The following MYH3 variants were observed in gnomAD, a reference collection of about 807,000 sequenced individuals.
MYH3 encodes myosin-3.
In MYH3, 130 loss-of-function variants were observed where a neutral mutation model predicts 238.0. The ratio of observed to expected loss-of-function variants is 0.55; its 90% CI spans 0.47 to 0.63. MYH3 has a LOEUF of 0.63. Ranked by LOEUF, MYH3 falls within the 30% of genes least tolerant of loss-of-function variation. MYH3 has a pLI of 0.00. For synonymous variants in MYH3, 880 were observed against 924.1 expected (o/e 0.95, Z 0.86); for missense variants, 1,853 against 2,374.9 (o/e 0.78, Z 4.57).
the MYH3 span, among the ~76,000 whole-genome samples, chr17:10,666,578 C>CAAAAAAAAAAAAA: frequency 1.5e-5 from 1 of 68,598 alleles, no homozygotes; most frequent in Non-Finnish European, 2.7e-5. Context: ...CTTGTCTCTA[C>CAAAAAAAAAAAAA]AAAAAAAAAA....
intron 4 of MYH3, 154 bp from the exon 5 acceptor site, chr17:10,651,822 C>A (rs964056979): frequency 9.6e-6 from 10 of 1,038,220 alleles, no homozygotes; most frequent in Non-Finnish European, 1.2e-5. Flanking sequence ...TGGCTCACTG[C>A]AACCTCCACC....
intron 33 of MYH3, 99 bp downstream of exon 33, chr17:10,633,492 A>G (rs2074184386): frequency 6.5e-7 from 1 of 1,542,290 alleles, no homozygotes; most frequent in Non-Finnish European, 8.9e-7. Context: ...CTGTGATTTG[A>G]CAAAGGCAAA....
chr17:10,668,187 G>T, the MYH3 span, among the ~76,000 whole-genome samples: 2 of 152,208 alleles, frequency 1.3e-5, no homozygotes, highest in African/African-American at 4.8e-5. Context: ...CTGAGGTCAG[G>T]AGTTTGAGAC....
chr17:10,644,315 A>AC, intron 14 of MYH3, 36 bp downstream of exon 14: 1 of 1,597,318 alleles, frequency 6.3e-7, no homozygotes, highest in Non-Finnish European at 8.6e-7. Flanking sequence ...CCCTCATATG[A>AC]AGCCATATGA....
At chr17:10,652,028 A>G in intron 4 of MYH3, 1 of 392,462 alleles carries the variant, frequency 2.5e-6, no homozygotes, top group South Asian at 2.3e-5. Flanking sequence ...GGCGTGAGCC[A>G]CCACACCCAG....
rs199513213 is a variant in MYH3 at position 10,652,520 on chromosome 17, G to T, written c.248C>A (p.Pro83His). 118 of 1,612,904 alleles carry T rather than the reference G, an allele frequency of 7.3e-5. No homozygotes were observed. The highest frequency in any genetic ancestry group is 1.7e-4 in the Middle Eastern group (1 of 6,054). Residue 83 changes from proline (P) to histidine (H), a missense_variant, in exon 4 of 41, where the codon CCC becomes CAC. Pro to His is a moderately conservative substitution (Grantham distance 77, BLOSUM62 -2). Transcript: ENST00000583535. ...CATGTCTTCGATCCTGTCGAACTTG[G>T]GGGGGTTCATGGCGTACACATCCTC... is the stretch of plus-strand genomic sequence containing the variant. ...KPEDVYAMNP[P>H]KFDRIEDMAM... is the part of the protein sequence containing the mutation.
chr17:10,628,751 C>T (rs2142374745), intron 40 of MYH3, 72 bp from the exon 41 acceptor site: 7 of 1,559,100 alleles, frequency 4.5e-6, no homozygotes, highest in Admixed American at 3.3e-5. Flanking sequence ...CTTCTGCCGG[C>T]TGGCATCAGA....
Position 10,654,928 on chromosome 17 carries a change from T to G in MYH3, c.137A>C (p.Glu46Ala). ...ACTCTTGATTTTCCCCTTGGCATATTCTTCCTTTGAGTCCACCACGAAGCA... is the reference window on the plus strand; with the variant it reads ...ACTCTTGATTTTCCCCTTGGCATATGCTTCCTTTGAGTCCACCACGAAGCA... Reference protein sequence around the residue: ...TYCFVVDSKEEYAKGKIKSSQ... With the variant: ...TYCFVVDSKEAYAKGKIKSSQ... The change falls in exon 3 of 41, where the codon GAA becomes GCA. Residue 46 changes from glutamate (E) to alanine (A), a missense_variant. Glu to Ala is a moderately radical substitution (Grantham distance 107). Coordinates refer to ENST00000583535, the MANE Select transcript of MYH3 (RefSeq NM_002470.4). The surrounding 1 kb of genome is among the most constrained non-coding windows in gnomAD (Gnocchi z 4.5). 1 of 1,614,190 alleles carries G rather than the reference T, an allele frequency of 6.2e-7. No homozygotes were observed. Among genetic ancestry groups the G allele is most frequent in the Non-Finnish European group, 8.5e-7 (1 of 1,180,028 alleles).
Position 10,640,406 on chromosome 17 carries a change from G to A in MYH3, c.2353C>T (p.Leu785=), listed in dbSNP as rs769492699. 5 of 1,614,244 alleles carry A rather than the reference G, an allele frequency of 3.1e-6. No individual in the cohort carries two copies. In the South Asian group the frequency reaches 5.5e-5, roughly 18 times the overall value. The change falls in exon 21 of 41, where the codon CTA becomes TTA. Residue 785 remains leucine, a synonymous_variant. Transcript: ENST00000583535. The part of the protein sequence containing the change: ...EEMRDDRLAK[L]ITRTQAVCRG... ...CACACAGCTTGTGTCCGGGTGATTA[G>A]TTTGGCCAGGCGGTCATCCCGCATC...
At chr17:10,666,869 GA>G in the MYH3 span, among the ~76,000 whole-genome samples, 1 of 151,964 alleles carries the variant, frequency 6.6e-6, no homozygotes, top group Non-Finnish European at 1.5e-5. Context: ...AAGTTACGAA[GA>G]AAAAGACAAG....
At chr17:10,635,158 G>T in intron 30 of MYH3, 135 bp from the exon 31 acceptor site, 3 of 1,306,002 alleles carry the variant, frequency 2.3e-6, no homozygotes, top group South Asian at 2.7e-5. Context: ...AGAATTTCCT[G>T]TCTACTCAAA....
upstream of MYH3, chr17:10,658,688 T>C (rs2074458746): frequency 6.6e-6 from 1 of 152,228 alleles, no homozygotes; most frequent in Non-Finnish European, 1.5e-5. Flanking sequence ...ATGGAGTCAG[T>C]TGGGCAGGGC....
At chr17:10,655,193 C>G (rs1027909002) in intron 2 of MYH3, 121 bp from the exon 3 acceptor site, 1 of 800,136 alleles carries the variant, frequency 1.2e-6, no homozygotes, top group South Asian at 1.4e-5. Flanking sequence ...GAGTCAGGGC[C>G]CCAGGAACCA....
Position 10,637,895 on chromosome 17 carries a change from A to T in MYH3, c.3770T>A (p.Leu1257Ter). ...CTCATTCTTGCCCCTGGCCTCACTT[A>T]ACTGATCCTCCAGGGTTCGGCAGAT... ...EKICRTLEDQ[L>*]SEARGKNEEI... is the part of the protein sequence containing the mutation. Residue 1257 changes from leucine to a stop codon, truncating the protein, a stop_gained, in exon 28 of 41, where the codon TTA becomes TAA. Coordinates refer to ENST00000583535, the MANE Select transcript of MYH3 (RefSeq NM_002470.4). LOFTEE classifies it high-confidence loss of function. 1 of 1,614,028 alleles carries T rather than the reference A, an allele frequency of 6.2e-7. No individual in the cohort carries two copies. Among genetic ancestry groups the T allele is most frequent in the Non-Finnish European group, 8.5e-7 (1 of 1,180,006 alleles).
the MYH3 span, among the ~76,000 whole-genome samples, chr17:10,669,509 C>T: frequency 1.3e-5 from 2 of 149,828 alleles, no homozygotes; most frequent in Admixed American, 6.7e-5. Flanking sequence ...GGAGGTTGTA[C>T]TGAGCTGAGA....
chr17:10,645,759 C>T lies in MYH3; in HGVS notation c.1089G>A (p.Met363Ile). ...CCTCTCGCTGCTTCTGCTTGAACTTCATGTTCCCGTAGTGCATCACGGCTC... is the reference window on the plus strand; with the variant it reads ...CCTCTCGCTGCTTCTGCTTGAACTTTATGTTCCCGTAGTGCATCACGGCTC... ...LTGAVMHYGN[M>I]KFKQKQREEQ... is the part of the protein sequence containing the mutation. The change falls in exon 12 of 41, where the codon ATG becomes ATA. Residue 363 changes from methionine (M) to isoleucine (I), a missense_variant. Met to Ile is a conservative substitution (Grantham distance 10). Around this residue, in one of 3 missense-constraint regions of MYH3, gnomAD observed 678 missense variants for 1,058.9 expected, o/e 0.64. Transcript: ENST00000583535. 1 of 1,613,910 alleles carries T rather than the reference C, an allele frequency of 6.2e-7. No individual in the cohort carries two copies. Among genetic ancestry groups the T allele is most frequent in the Non-Finnish European group, 8.5e-7 (1 of 1,180,036 alleles).
At chr17:10,651,140 A>T (rs1175172608) in intron 5 of MYH3, among the ~76,000 whole-genome samples, 1 of 147,158 alleles carries the variant, frequency 6.8e-6, no homozygotes, top group Non-Finnish European at 1.5e-5. Context: ...AGCCGAGATC[A>T]CACCACTGCA....
intron 10 of MYH3, among the ~76,000 whole-genome samples, chr17:10,646,725 G>C (rs536657136): frequency 9.9e-4 from 151 of 152,198 alleles, no homozygotes; most frequent in Non-Finnish European, 1.8e-3. Flanking sequence ...GCATGTCACT[G>C]CCCAGATAGC....
At chr17:10,650,482 A>T in intron 5 of MYH3, 81 bp from the exon 6 acceptor site, 1 of 1,300,954 alleles carries the variant, frequency 7.7e-7, no homozygotes, top group South Asian at 1.2e-5. Context: ...AAGTAGCCAG[A>T]GTTAAATTGC....
Sources: allele counts gnomAD v4.1 joint callset (sites outside exome capture counted in the v4.1 genomes callset), GRCh38; gene constraint gnomAD v4.1.1; regional missense constraint gnomAD v4.1.1; non-coding constraint Gnocchi (gnomAD v3.1); transcripts MANE v1.5; gene names NCBI Gene and HGNC (gene_info 2026-07-23, HGNC 2026-07-21).